Variants in POLR3C observed in about 807,000 individuals in gnomAD.
POLR3C encodes the protein RNA polymerase III subunit C, also known as DNA-directed RNA polymerase III subunit RPC3.
A neutral mutation model predicts 65.9 loss-of-function variants in POLR3C; 44 were observed. The observed-to-expected ratio is 0.67, with a 90% CI of 0.52 to 0.86. POLR3C has a LOEUF of 0.86. POLR3C is among the 40% of genes least tolerant of loss of function. The pLI, the probability that POLR3C is intolerant of heterozygous loss-of-function variation, is 0.00. For missense variants in POLR3C, 576 were observed against 653.2 expected, an observed-to-expected ratio of 0.88 and a Z score of 1.29; for synonymous variants, 263 against 231.6, an observed-to-expected ratio of 1.14 and a Z score of -1.23.
At chr1:145,839,688 G>T in intron 11 of POLR3C, 1 of 509,952 alleles carries the variant, frequency 2.0e-6, no homozygotes, top group Admixed American at 3.5e-5. Flanking sequence ...CTGATATCAT[G>T]CCACCGCACT....
chr1:145,831,098 CAAA>C (rs781897349), intron 5 of POLR3C, among the ~76,000 whole-genome samples: 5 of 124,340 alleles, frequency 4.0e-5, no homozygotes, highest in African/African-American at 9.0e-5. Flanking sequence ...GACCCTGTCT[CAAA>C]AAAAAAAAAA....
rs1054750986 is a variant in POLR3C at position 145,842,610 on chromosome 1, A to G, written c.*190A>G. ...AGATCCATTGCTGTAGTCTCCCCTC[A>G]TCAAATCTTGGCAGTGGGAAGAACC... On this transcript the variant is annotated 3_prime_UTR_variant, in exon 15 of 15. Coordinates refer to ENST00000334163, the MANE Select transcript of POLR3C (RefSeq NM_006468.8). 19 of 603,778 alleles carry G rather than the reference A, an allele frequency of 3.1e-5. No individual in the cohort carries two copies. In the South Asian group the frequency reaches 3.2e-4, roughly 10 times the overall value. 37.4% of individuals were successfully genotyped at this position (603,778 alleles called of 1,614,324 possible).
At chr1:145,825,389 GC>G (rs1650642848) in intron 1 of POLR3C, among the ~76,000 whole-genome samples, 1 of 152,126 alleles carries the variant, frequency 6.6e-6, no homozygotes, top group Admixed American at 6.5e-5. Context: ...AGGATTACAG[GC>G]CTGAGCCACC....
rs587613905 is a variant in POLR3C, at chr1:145,830,566, G to A, written c.678+1729G>A. On this transcript the variant is annotated intron_variant, in intron 5 of 14. Coordinates refer to ENST00000334163, the MANE Select transcript of POLR3C (RefSeq NM_006468.8). ...TGTAATCCCAGCACTTTGGGAGGCC[G>A]AGGTAGGTGGATCACCTGAGGTCAG... 2.1e-3 allele frequency among the ~76,000 whole-genome samples: 317 copies of A among 152,206 alleles called. 2 individuals are homozygous for A. Among genetic ancestry groups the A allele is most frequent in the Non-Finnish European group, 2.6e-3 (178 of 68,018 alleles).
chr1:145,837,390 T>C, intron 9 of POLR3C, 146 bp from the exon 10 acceptor site: 2 of 543,116 alleles, frequency 3.7e-6, no homozygotes, highest in Admixed American at 3.9e-5. Flanking sequence ...GGAATATTTA[T>C]GTACCATGAC....
intron 4 of POLR3C, 92 bp downstream of exon 4, chr1:145,827,097 G>C: frequency 9.5e-7 from 1 of 1,050,306 alleles, no homozygotes; most frequent in Non-Finnish European, 1.4e-6. Flanking sequence ...TATTTACCAA[G>C]TATTTGCTAT....
intron 4 of POLR3C, 71 bp from the exon 5 acceptor site, chr1:145,828,678 T>C (rs782534113): frequency 1.9e-4 from 203 of 1,061,692 alleles, no homozygotes; most frequent in Non-Finnish European, 2.9e-4. Flanking sequence ...GAAAGACACC[T>C]GCTCTCATGT....
intron 14 of POLR3C, among the ~76,000 whole-genome samples, chr1:145,841,552 TTTC>T (rs1652294599): frequency 3.3e-5 from 5 of 152,386 alleles, no homozygotes; most frequent in South Asian, 2.1e-4. Context: ...ATTAAATTTA[TTTC>T]TTAAGTATTT....
chr1:145,825,758 T>G lies in POLR3C; in HGVS notation c.-19T>G, dbSNP rs1650682991. On this transcript the variant is annotated splice_region_variant and 5_prime_UTR_variant, in exon 2 of 15. Coordinates refer to ENST00000334163, the MANE Select transcript of POLR3C (RefSeq NM_006468.8). ...ACCATTTTGGTGTTTTTTCCCTAGCTCTCAGACTCCCCAGTACAATGACTC... is the reference window on the plus strand; with the variant it reads ...ACCATTTTGGTGTTTTTTCCCTAGCGCTCAGACTCCCCAGTACAATGACTC... The G allele has an allele frequency of 1.2e-6, 2 of 1,606,582 alleles. No homozygotes were observed. The highest frequency in any genetic ancestry group is 2.7e-5 in the African/African-American group (2 of 74,826).
In POLR3C at chr1:145,843,013, CAG is replaced by C. The variant is rs1652412356; in HGVS notation, c.*594_*595del. Among the ~76,000 whole-genome samples, 2 of 151,934 alleles carry C rather than the reference CAG, an allele frequency of 1.3e-5. No homozygotes were observed. Among genetic ancestry groups the C allele is most frequent in the African/African-American group, 2.4e-5 (1 of 41,326 alleles). On this transcript the variant is annotated 3_prime_UTR_variant, in exon 15 of 15. Coordinates refer to ENST00000334163, the MANE Select transcript of POLR3C (RefSeq NM_006468.8). Reference sequence around the variant, plus strand: ...TTATTTATTTATTTTTTTGTAGAGACAGGGCCTCCCTGTGTTGCCCAGGCTGA... The same window carrying C: ...TTATTTATTTATTTTTTTGTAGAGACGGCCTCCCTGTGTTGCCCAGGCTGA...
intron 9 of POLR3C, among the ~76,000 whole-genome samples, chr1:145,837,140 T>A (rs1651916051): frequency 6.6e-6 from 1 of 152,020 alleles, no homozygotes; most frequent in Admixed American, 6.6e-5. Context: ...AAACCCCATC[T>A]CTACCAAAAA....
chr1:145,834,800 G>A (rs1464326999), intron 7 of POLR3C, among the ~76,000 whole-genome samples: 3 of 152,084 alleles, frequency 2.0e-5, no homozygotes, highest in Non-Finnish European at 4.4e-5. Flanking sequence ...ATGTTATATG[G>A]TGCATGACTG....
At chr1:145,840,503 G>A in intron 13 of POLR3C, 1 of 287,710 alleles carries the variant, frequency 3.5e-6, no homozygotes, top group Non-Finnish European at 6.6e-6. Context: ...TCACGCCACT[G>A]CACTCCAGCC....
rs376821084 is a variant in POLR3C at position 145,843,127 on chromosome 1, G to A, written c.*707G>A. ...AAAAAATTATTTTCAGGGTTAGCAG[G>A]TGGATTGTCCCAAGCAGTCACACTA... On this transcript the variant is annotated 3_prime_UTR_variant, in exon 15 of 15. Transcript: ENST00000334163. 6.6e-6 allele frequency among the ~76,000 whole-genome samples: 1 copy of A among 152,154 alleles called. No homozygotes were observed. The highest frequency in any genetic ancestry group is 1.5e-5 in the Non-Finnish European group (1 of 68,030).
chr1:145,824,966 C>T (rs1469918623), intron 1 of POLR3C, among the ~76,000 whole-genome samples: 1 of 152,114 alleles, frequency 6.6e-6, no homozygotes, highest in Non-Finnish European at 1.5e-5. Context: ...TAAGGAAAAT[C>T]AGAATCACGC....
intron 4 of POLR3C, 73 bp from the exon 5 acceptor site, chr1:145,828,676 C>T (rs76990043): frequency 2.9e-6 from 3 of 1,045,762 alleles, no homozygotes; most frequent in African/African-American, 3.1e-5. Flanking sequence ...ATGAAAGACA[C>T]CTGCTCTCAT....
chr1:145,824,688 T>C (rs1650551897), intron 1 of POLR3C: 1 of 435,002 alleles, frequency 2.3e-6, no homozygotes, highest in East Asian at 7.1e-5. Context: ...CCGTTTCTGA[T>C]TGTGTCAACT....
At position 145,824,269 on chromosome 1, in the gene POLR3C, G is replaced by T; in HGVS notation, c.-121G>T. On this transcript the variant is annotated 5_prime_UTR_variant, in exon 1 of 15. Coordinates refer to ENST00000334163, the MANE Select transcript of POLR3C (RefSeq NM_006468.8). Reference sequence around the variant, plus strand: ...GATCCGCGTCCTAGAAAGGGCGGTGGGCTCCACCTCGGCCTAGAAGGCCAG... The same window carrying T: ...GATCCGCGTCCTAGAAAGGGCGGTGTGCTCCACCTCGGCCTAGAAGGCCAG... The T allele has an allele frequency of 7.1e-6, 2 of 283,304 alleles. No individual in the cohort carries two copies. Among genetic ancestry groups the T allele is most frequent in the South Asian group, 5.9e-5 (2 of 34,074 alleles). 17.5% of individuals were successfully genotyped at this position (283,304 alleles called of 1,614,324 possible).
chr1:145,826,007 G>GA (rs2101628957), intron 2 of POLR3C, 84 bp downstream of exon 2: 1 of 1,150,646 alleles, frequency 8.7e-7, no homozygotes, highest in Admixed American at 2.1e-5. Context: ...TCTCACCCCA[G>GA]AAAAGGAAAA....
Sources: gnomAD v4.1 joint callset for allele counts (sites outside exome capture counted in the v4.1 genomes callset) on GRCh38, gnomAD v4.1.1 for gene constraint, MANE v1.5 for transcripts, NCBI Gene and HGNC (gene_info 2026-07-23, HGNC 2026-07-21) for gene names.